Variants in PLCE1 observed in about 807,000 individuals in gnomAD.
The protein encoded by PLCE1 is phospholipase C epsilon 1.
In PLCE1, 119 loss-of-function variants were observed where a neutral mutation model predicts 242.8. That is an observed-to-expected ratio of 0.49 (90% CI 0.42 to 0.57). The LOEUF is 0.57. Among genes scored for constraint, PLCE1 ranks in the 20% least tolerant of loss-of-function variants. The pLI, the probability that PLCE1 is intolerant of heterozygous loss-of-function variation, is 0.00. For missense variants in PLCE1, 2,441 were observed against 2,788.8 expected, an observed-to-expected ratio of 0.88 and a Z score of 2.81; for synonymous variants, 945 against 1,017.4, an observed-to-expected ratio of 0.93 and a Z score of 1.35.
chr10:94,210,444 C>T (rs936930887), intron 4 of PLCE1, among the ~76,000 whole-genome samples: 4 of 152,194 alleles, frequency 2.6e-5, no homozygotes, highest in Middle Eastern at 3.4e-3. Context: ...AACACACCCC[C>T]GAAATTTTTT....
intron 3 of PLCE1, chr10:94,139,392 TG>T: frequency 6.1e-6 from 1 of 165,148 alleles, no homozygotes. Context: ...AAAAGCCAAG[TG>T]GGTCTAAACA....
At chr10:94,046,755 G>A (rs1019020896) in intron 2 of PLCE1, among the ~76,000 whole-genome samples, 1 of 152,112 alleles carries the variant, frequency 6.6e-6, no homozygotes, top group Non-Finnish European at 1.5e-5. Flanking sequence ...TTCTGACCTG[G>A]CACTTACTAT....
chr10:94,088,631 G>A (rs947692535), intron 2 of PLCE1, among the ~76,000 whole-genome samples: 5 of 152,170 alleles, frequency 3.3e-5, no homozygotes, highest in Non-Finnish European at 5.9e-5. Context: ...TACTTTGAAG[G>A]CACTTAGACC....
At chr10:94,176,969 C>A (rs1302779853) in intron 4 of PLCE1, among the ~76,000 whole-genome samples, 1 of 151,946 alleles carries the variant, frequency 6.6e-6, no homozygotes, top group East Asian at 1.9e-4. Context: ...GGAAGGCAGT[C>A]CAGACAAGAA....
chr10:94,058,223 C>G (rs1051853182), intron 2 of PLCE1, among the ~76,000 whole-genome samples: 2 of 152,104 alleles, frequency 1.3e-5, no homozygotes, highest in Admixed American at 6.6e-5. Flanking sequence ...TTTAAATTGT[C>G]AAGTGCTCCA....
At chr10:94,071,686 A>G (rs2044364884) in intron 2 of PLCE1, among the ~76,000 whole-genome samples, 1 of 151,114 alleles carries the variant, frequency 6.6e-6, no homozygotes, top group African/African-American at 2.4e-5. Context: ...ATTTGTAGAG[A>G]TGAGCTCTTT....
intron 1 of PLCE1, among the ~76,000 whole-genome samples, chr10:94,014,238 A>G (rs2061231247): frequency 6.6e-6 from 1 of 152,154 alleles, no homozygotes; most frequent in Admixed American, 6.5e-5. Flanking sequence ...TAAGGCAGCT[A>G]AGAGGTTAGG....
chr10:94,325,233 G>A, intron 32 of PLCE1, 129 bp downstream of exon 32: 1 of 712,348 alleles, frequency 1.4e-6, no homozygotes, highest in Admixed American at 2.2e-5. Flanking sequence ...GGTAGGAATG[G>A]GACCTTAAAA....
rs1381598962 is a variant in PLCE1 at position 94,306,333 on chromosome 10, G to A, written c.5623-94G>A. The stretch of plus-strand genomic sequence containing the variant: ...TCACTTTGTCCATTCCAGTGTTCTT[G>A]GGATTCCTTTGCAGAGGGAAGCAGT... On this transcript the variant is annotated intron_variant, in intron 25 of 32. Coordinates refer to ENST00000371380, the MANE Select transcript of PLCE1 (RefSeq NM_016341.4). The surrounding 1 kb of genome is among the most constrained non-coding windows in gnomAD (Gnocchi z 5.7). 6.3e-7 allele frequency: 1 copy of A among 1,595,492 alleles called. No homozygotes were observed. Among genetic ancestry groups the A allele is most frequent in the Non-Finnish European group, 8.6e-7 (1 of 1,163,930 alleles).
chr10:94,277,628 G>C (rs942289179), intron 19 of PLCE1, among the ~76,000 whole-genome samples: 12 of 152,262 alleles, frequency 7.9e-5, no homozygotes, highest in Non-Finnish European at 8.8e-5. Context: ...ATCATTCCCA[G>C]CACTTGGCAT....
Position 94,274,389 on chromosome 10 carries a change from G to A in PLCE1, c.4665+669G>A, listed in dbSNP as rs117441726. Among the ~76,000 whole-genome samples, 263 of 152,254 alleles carry A rather than the reference G, an allele frequency of 1.7e-3. 3 individuals are homozygous for A. Among genetic ancestry groups the A allele is most frequent in the Admixed American group, 3.9e-3 (60 of 15,292 alleles). On this transcript the variant is annotated intron_variant, in intron 19 of 32. Coordinates refer to ENST00000371380, the MANE Select transcript of PLCE1 (RefSeq NM_016341.4). ...TAGCCAGCTACAGACTTGCTCTCAGGCTGGCTCAAAGAGTACAGGCACACA... is the reference window on the plus strand; with the variant it reads ...TAGCCAGCTACAGACTTGCTCTCAGACTGGCTCAAAGAGTACAGGCACACA...
intron 13 of PLCE1, among the ~76,000 whole-genome samples, chr10:94,261,153 C>G (rs972586602): frequency 6.6e-6 from 1 of 152,126 alleles, no homozygotes; most frequent in Non-Finnish European, 1.5e-5. Flanking sequence ...CCATCCCCCC[C>G]GCGACCTCCC....
At chr10:94,013,578 C>T (rs1012177468) in intron 1 of PLCE1, among the ~76,000 whole-genome samples, 5 of 152,156 alleles carry the variant, frequency 3.3e-5, no homozygotes, top group Non-Finnish European at 4.4e-5. Flanking sequence ...GGGTTCCCAC[C>T]GTGTCTCAAG....
chr10:94,189,151 C>T (rs1167320707), intron 4 of PLCE1, among the ~76,000 whole-genome samples: 1 of 151,224 alleles, frequency 6.6e-6, no homozygotes, highest in Non-Finnish European at 1.5e-5. Context: ...AACTCACCAG[C>T]ATTTCTCAAA....
chr10:94,056,137 T>G (rs1452331598), intron 2 of PLCE1, among the ~76,000 whole-genome samples: 1 of 152,260 alleles, frequency 6.6e-6, no homozygotes, highest in Non-Finnish European at 1.5e-5. Context: ...GTTTGAATTC[T>G]CTAAAAGCTA....
intron 9 of PLCE1, 33 bp from the exon 10 acceptor site, chr10:94,254,157 G>A (rs777443312): frequency 1.1e-5 from 17 of 1,488,258 alleles, no homozygotes; most frequent in Non-Finnish European, 1.4e-5. Flanking sequence ...GAGAAATACA[G>A]GCTTGGAACC....
At chr10:94,258,978 AT>A in intron 12 of PLCE1, 35 bp from the exon 13 acceptor site, 1 of 1,614,098 alleles carries the variant, frequency 6.2e-7, no homozygotes. Flanking sequence ...TTCTATAAAG[AT>A]ACTCAATGAG....
chr10:94,067,379 T>C (rs2044228974), intron 2 of PLCE1, among the ~76,000 whole-genome samples: 2 of 152,174 alleles, frequency 1.3e-5, no homozygotes, highest in Middle Eastern at 3.2e-3. Flanking sequence ...GCTCTGCCTT[T>C]ACTCTTGCTG....
chr10:94,296,231 T>C (rs2052807855), intron 23 of PLCE1, among the ~76,000 whole-genome samples: 1 of 151,722 alleles, frequency 6.6e-6, no homozygotes, highest in Admixed American at 6.6e-5. Context: ...TTGGGCATGG[T>C]GGCGGGTGCC....
Sources: gnomAD v4.1 joint callset for allele counts (sites outside exome capture counted in the v4.1 genomes callset) on GRCh38, gnomAD v4.1.1 for gene constraint, Gnocchi (gnomAD v3.1) non-coding constraint, MANE v1.5 for transcripts, NCBI Gene and HGNC (gene_info 2026-07-23, HGNC 2026-07-21) for gene names.